The following FHIT variants were observed in gnomAD, a reference collection of about 807,000 sequenced individuals.
The protein encoded by FHIT is bis(5'-adenosyl)-triphosphatase.
FHIT carries 19 observed loss-of-function variants against 17.9 expected under a neutral mutation model. The observed-to-expected ratio is 1.06, with a 90% confidence interval of 0.74 to 1.56. FHIT has a LOEUF of 1.56. Ranked by LOEUF, FHIT falls within the 40% of genes most tolerant of loss-of-function variation. The probability of loss-of-function intolerance (pLI) is 0.00; values close to 1 mark genes in which losing one functional copy is unlikely to be tolerated. For missense variants in FHIT, 248 were observed against 189.2 expected, an observed-to-expected ratio of 1.31 and a Z score of -1.82; for synonymous variants, 81 against 69.7, an observed-to-expected ratio of 1.16 and a Z score of -0.81.
intron 2 of FHIT, among the ~76,000 whole-genome samples, chr3:61,191,903 C>T (rs7617424): frequency 0.37 from 56,969 of 151,922 alleles, 11,426 homozygotes; most frequent in East Asian, 0.8. Flanking sequence ...CAGGGATGAG[C>T]CCCATTCCGC....
intron 4 of FHIT, among the ~76,000 whole-genome samples, chr3:60,772,152 A>C (rs1700065303): frequency 1.0e-5 from 1 of 98,802 alleles, no homozygotes; most frequent in African/African-American, 5.3e-5. Flanking sequence ...CATTCTTCAG[A>C]AGAAAAAAAA....
chr3:60,536,241 G>C (rs1313004246), intron 5 of FHIT: 1 of 152,248 alleles, frequency 6.6e-6, no homozygotes, highest in East Asian at 1.9e-4. Context: ...CAACTCAGTG[G>C]TCAGAGGGAA....
intron 8 of FHIT, among the ~76,000 whole-genome samples, chr3:59,815,766 A>C (rs1479928665): frequency 6.6e-6 from 1 of 152,150 alleles, no homozygotes; most frequent in African/African-American, 2.4e-5. Flanking sequence ...GAGGGATGAA[A>C]GACTACACAT....
At position 60,387,023 on chromosome 3, in the gene FHIT, CT is replaced by C. The variant is rs71627536; in HGVS notation, c.103+149836del. On this transcript the variant is annotated intron_variant, in intron 5 of 9. Transcript: ENST00000492590. ...TTTGCCTAAGGAAATTCTATTTATT[CT>C]TTTTTTTTTTTGGAGTGCAACAGCG... 7.4e-3 allele frequency among the ~76,000 whole-genome samples: 1,015 copies of C among 136,294 alleles called. 20 individuals are homozygous for C. Among genetic ancestry groups the C allele is most frequent in the African/African-American group, 0.022 (832 of 37,178 alleles). The allele number at this position is 136,294 out of a possible 152,430, so 89.4% of individuals were successfully genotyped here. A position where few individuals can be genotyped will look rare whatever the true frequency, so the allele number is the denominator to read the frequency against.
chr3:61,019,085 C>T (rs188356960), intron 3 of FHIT, among the ~76,000 whole-genome samples: 2 of 152,210 alleles, frequency 1.3e-5, no homozygotes. Context: ...AAAAATTAGG[C>T]TGTCTGGCCT....
intron 8 of FHIT, among the ~76,000 whole-genome samples, chr3:59,875,412 C>T (rs761443894): frequency 5.9e-5 from 9 of 152,176 alleles, no homozygotes; most frequent in Admixed American, 1.3e-4. Flanking sequence ...GAAGTGTGGG[C>T]GAAGCCATCC....
intron 1 of FHIT, among the ~76,000 whole-genome samples, chr3:61,237,959 C>CTGGGTGCAGATGGGT (rs1301130877): frequency 1.9e-4 from 29 of 152,108 alleles, no homozygotes; most frequent in African/African-American, 6.5e-4. Flanking sequence ...ATAAATAACC[C>CTGGGTGCAGATGGGT]ATCTGCACAG....
intron 5 of FHIT, among the ~76,000 whole-genome samples, chr3:60,248,831 G>A (rs1705538659): frequency 6.6e-6 from 1 of 152,066 alleles, no homozygotes; most frequent in Non-Finnish European, 1.5e-5. Flanking sequence ...CCCGAATGCA[G>A]GGATAAAACC....
chr3:60,848,148 TTATTGAAA>T (rs1702997543), intron 3 of FHIT, among the ~76,000 whole-genome samples: 1 of 152,176 alleles, frequency 6.6e-6, no homozygotes, highest in Non-Finnish European at 1.5e-5. Context: ...CCCTCTTCCT[TTATTGAAA>T]TCTGCTTCCA....
intron 5 of FHIT, among the ~76,000 whole-genome samples, chr3:60,458,146 C>T (rs28762764): frequency 1.4e-4 from 22 of 152,160 alleles, no homozygotes; most frequent in Admixed American, 2.6e-4. Flanking sequence ...ATGTTTATTG[C>T]GGCACTACTC....
intron 5 of FHIT, among the ~76,000 whole-genome samples, chr3:60,042,467 C>A (rs113085379): frequency 0.012 from 1,825 of 152,250 alleles, 18 homozygotes; most frequent in Non-Finnish European, 0.019. Context: ...AGGGTTGGTT[C>A]CTTCTGAGGA....
chr3:61,024,766 C>G (rs899029626), intron 3 of FHIT, among the ~76,000 whole-genome samples: 2 of 152,142 alleles, frequency 1.3e-5, no homozygotes, highest in African/African-American at 4.8e-5. Flanking sequence ...GAAATATGAT[C>G]ATAGCTATTA....
chr3:60,555,777 A>G (rs1482815225), intron 4 of FHIT, among the ~76,000 whole-genome samples: 3 of 152,172 alleles, frequency 2.0e-5, no homozygotes, highest in African/African-American at 7.2e-5. Context: ...GCATCATCCA[A>G]CACTAACAAG....
rs73839754 is a variant in FHIT at position 59,943,054 on chromosome 3, C to T, written c.280-20640G>A. On this transcript the variant is annotated intron_variant, in intron 7 of 9. Coordinates refer to ENST00000492590, the MANE Select transcript of FHIT (RefSeq NM_002012.4). ...ACCCATTATTTTGAGCATGAATCTG[C>T]TCTCCTGTTATATTACTAAGAAGAA... 7.6e-3 allele frequency among the ~76,000 whole-genome samples: 1,164 copies of T among 152,172 alleles called. 21 individuals carry two copies. Among genetic ancestry groups the T allele is most frequent in the African/African-American group, 0.027 (1,103 of 41,510 alleles).
At chr3:60,542,751 T>C (rs1477782579) in intron 4 of FHIT, among the ~76,000 whole-genome samples, 1 of 152,220 alleles carries the variant, frequency 6.6e-6, no homozygotes, top group Non-Finnish European at 1.5e-5. Flanking sequence ...ATCATTCATT[T>C]TGATGTATTC....
At chr3:60,441,770 TTATATGTATAAAAATATATATA>T (rs2030863960) in intron 5 of FHIT, among the ~76,000 whole-genome samples, 2 of 42,556 alleles carry the variant, frequency 4.7e-5, no homozygotes, top group South Asian at 1.4e-3. Flanking sequence ...ATATATATAT[TTATATGTATAAAAATATATATA>T]TATATATATA....
chr3:60,192,547 A>C (rs944742744), intron 5 of FHIT, among the ~76,000 whole-genome samples: 1 of 152,184 alleles, frequency 6.6e-6, no homozygotes, highest in Admixed American at 6.5e-5. Flanking sequence ...ATCTATGAAC[A>C]ATCAACACAG....
intron 5 of FHIT, among the ~76,000 whole-genome samples, chr3:60,479,391 G>T (rs957384114): frequency 6.6e-6 from 1 of 152,112 alleles, no homozygotes; most frequent in South Asian, 2.1e-4. Flanking sequence ...CATGCACCAC[G>T]TAATGACATT....
intron 4 of FHIT, among the ~76,000 whole-genome samples, chr3:60,725,720 C>A (rs2041904408): frequency 6.6e-6 from 1 of 152,138 alleles, no homozygotes; most frequent in African/African-American, 2.4e-5. Flanking sequence ...AGCAGTACCA[C>A]CATTATTACC....
Sources: allele counts gnomAD v4.1 joint callset (sites outside exome capture counted in the v4.1 genomes callset), GRCh38; gene constraint gnomAD v4.1.1; transcripts MANE v1.5; gene names NCBI Gene and HGNC (gene_info 2026-07-23, HGNC 2026-07-21).